Variants in CCDC3 observed in about 807,000 individuals in gnomAD.
CCDC3 encodes the protein coiled-coil domain-containing protein 3.
Under a neutral mutation model 21.4 loss-of-function variants are expected in CCDC3, and 24 were observed. The ratio of observed to expected loss-of-function variants is 1.12; its 90% CI spans 0.81 to 1.58. The LOEUF is 1.58. Ranked by LOEUF, CCDC3 falls within the 40% of genes most tolerant of loss-of-function variation. The pLI is 0.00. For synonymous variants in CCDC3, 186 were observed against 166.0 expected, an observed-to-expected ratio of 1.12 and a Z score of -0.93; for missense variants, 425 against 360.9, an observed-to-expected ratio of 1.18 and a Z score of -1.44.
At chr10:13,033,527 A>T (rs1186571175) in intron 5 of CCDC3, among the ~76,000 whole-genome samples, 2 of 152,210 alleles carry the variant, frequency 1.3e-5, no homozygotes. Flanking sequence ...TGCACAGCAA[A>T]AGAAACTACC....
intron 2 of CCDC3, among the ~76,000 whole-genome samples, chr10:12,928,046 A>G (rs1305074223): frequency 2.0e-5 from 3 of 152,186 alleles, no homozygotes; most frequent in African/African-American, 4.8e-5. Context: ...GTTGTCAGGG[A>G]ATGCAGGTGT....
intron 3 of CCDC3, among the ~76,000 whole-genome samples, chr10:13,088,456 A>G (rs1323508754): frequency 6.6e-6 from 1 of 152,246 alleles, no homozygotes; most frequent in African/African-American, 2.4e-5. Flanking sequence ...CAGAGTCAAT[A>G]TCATCAAACT....
rs117682559 is a variant in CCDC3 at position 13,023,055 on chromosome 10, T to C, written c.-1-24543A>G. On this transcript the variant is annotated intron_variant, in intron 5 of 6. Transcript: ENST00000378839. ...AACAAACTACTGGGGAAAAATTAAA[T>C]AAAATCCTTGAGTTGTGTTTTTTTT... is the stretch of plus-strand genomic sequence containing the variant. Among the ~76,000 whole-genome samples the C allele has an allele frequency of 5.2e-3, 765 of 147,368 alleles. 1 individual carries two copies. The highest frequency in any genetic ancestry group is 8.2e-3 in the Non-Finnish European group (552 of 67,004).
rs189379980 is a variant in CCDC3, at chr10:12,920,956, G to T, written c.550-22277C>A. Among the ~76,000 whole-genome samples, 3 of 152,328 alleles carry T rather than the reference G, an allele frequency of 2.0e-5. No individual in the cohort carries two copies. In the East Asian group the frequency reaches 5.8e-4, roughly 29 times the overall value. The stretch of plus-strand genomic sequence containing the variant: ...TTGCAAACCAGGGGCTCACAGAGGA[G>T]GGCAGGCTTCAGCAGCCTTGGCTTC... On this transcript the variant is annotated intron_variant, in intron 2 of 2. Coordinates refer to ENST00000378825, the MANE Select transcript of CCDC3 (RefSeq NM_031455.4).
intron 2 of CCDC3, among the ~76,000 whole-genome samples, chr10:12,926,012 C>T (rs1361630807): frequency 6.6e-6 from 1 of 152,218 alleles, no homozygotes; most frequent in African/African-American, 2.4e-5. Flanking sequence ...GATGCTATGC[C>T]CAAGAGCAGA....
At chr10:13,001,829 G>C (rs1410420278), upstream of CCDC3, 1 of 156,060 alleles carries the variant, frequency 6.4e-6, no homozygotes, top group Non-Finnish European at 1.4e-5. Context: ...GCGGGGAGTC[G>C]GGCGGGTCCC....
In CCDC3 at chr10:12,900,889, C is replaced by G. The variant is rs914459360; in HGVS notation, c.550-2210G>C. ...GGACTCTGGTCTGTATTAGCCAGAA[C>G]CCACTTCAGTACTAAAGGATTGATT... is the stretch of plus-strand genomic sequence containing the variant. On this transcript the variant is annotated intron_variant, in intron 2 of 2. Transcript: ENST00000378825. Among the ~76,000 whole-genome samples the G allele has an allele frequency of 2.6e-5, 4 of 152,160 alleles. No individual in the cohort carries two copies. The South Asian group carries it at 6.2e-4, about 24-fold the overall frequency.
intron 2 of CCDC3, among the ~76,000 whole-genome samples, chr10:12,977,928 G>C (rs1384749330): frequency 1.3e-5 from 2 of 152,172 alleles, no homozygotes; most frequent in Non-Finnish European, 2.9e-5. Context: ...TCAGGCCCGG[G>C]CTTGTGCGTG....
chr10:12,922,373 C>A (rs1265306851), intron 2 of CCDC3, among the ~76,000 whole-genome samples: 2 of 152,010 alleles, frequency 1.3e-5, no homozygotes, highest in African/African-American at 2.4e-5. Context: ...TCCCACCCTC[C>A]CATCTGTGTC....
intron 1 of CCDC3, among the ~76,000 whole-genome samples, chr10:13,000,778 A>C (rs1168631708): frequency 6.6e-6 from 1 of 152,206 alleles, no homozygotes; most frequent in African/African-American, 2.4e-5. Context: ...GAAGGTGTCA[A>C]GAAATGCGCT....
intron 5 of CCDC3, among the ~76,000 whole-genome samples, chr10:13,009,268 AG>A (rs1282211240): frequency 7.2e-5 from 11 of 152,226 alleles, no homozygotes; most frequent in Non-Finnish European, 1.3e-4. Context: ...GAGAAATTGA[AG>A]AATATTTTGA....
intron 3 of CCDC3, among the ~76,000 whole-genome samples, chr10:13,079,527 C>T (rs1027336583): frequency 6.6e-6 from 1 of 151,728 alleles, no homozygotes; most frequent in African/African-American, 2.4e-5. Context: ...GCAAGAGAAA[C>T]AGCAGGAGCG....
At chr10:12,918,349 C>T (rs1834390907) in intron 2 of CCDC3, among the ~76,000 whole-genome samples, 1 of 152,154 alleles carries the variant, frequency 6.6e-6, no homozygotes, top group African/African-American at 2.4e-5. Context: ...AGTATGAAAC[C>T]TTTGCAGTTC....
chr10:13,024,049 G>A (rs773641613), intron 5 of CCDC3, among the ~76,000 whole-genome samples: 6 of 152,156 alleles, frequency 3.9e-5, no homozygotes, highest in Non-Finnish European at 8.8e-5. Context: ...CCCTGGAACT[G>A]ATTCTCTGTG....
intron 4 of CCDC3, among the ~76,000 whole-genome samples, chr10:13,071,227 C>T (rs1243192662): frequency 6.6e-6 from 1 of 152,136 alleles, no homozygotes; most frequent in Non-Finnish European, 1.5e-5. Flanking sequence ...CTTTTCTCTC[C>T]CTGGTTGGAG....
intron 5 of CCDC3, among the ~76,000 whole-genome samples, chr10:13,008,714 G>A (rs1835951716): frequency 6.6e-6 from 1 of 152,148 alleles, no homozygotes; most frequent in Admixed American, 6.5e-5. Flanking sequence ...ACAAGTCTTA[G>A]AAATATATGT....
chr10:12,948,467 G>GCACACA (rs35847630), intron 2 of CCDC3, among the ~76,000 whole-genome samples: 1 of 148,264 alleles, frequency 6.7e-6, no homozygotes, highest in African/African-American at 2.5e-5. Flanking sequence ...GCAGACAATT[G>GCACACA]CACACACACA....
chr10:13,080,863 C>A (rs1016918417), intron 3 of CCDC3, among the ~76,000 whole-genome samples: 2 of 152,258 alleles, frequency 1.3e-5, no homozygotes, highest in Non-Finnish European at 2.9e-5. Context: ...GGGGCTTGGG[C>A]AGGAGCAAAG....
chr10:13,041,102 A>G (rs1474827123), intron 5 of CCDC3, among the ~76,000 whole-genome samples: 1 of 152,110 alleles, frequency 6.6e-6, no homozygotes, highest in African/African-American at 2.4e-5. Flanking sequence ...CAGCCTTTTT[A>G]GTAAGTGCGC....
Sources: allele counts gnomAD v4.1 joint callset (sites outside exome capture counted in the v4.1 genomes callset), GRCh38; gene constraint gnomAD v4.1.1; transcripts MANE v1.5; gene names NCBI Gene and HGNC (gene_info 2026-07-23, HGNC 2026-07-21).